Variants in PRPF8 observed in about 807,000 individuals in gnomAD.
The protein encoded by PRPF8 is pre-mRNA processing factor 8, also known as pre-mRNA-processing-splicing factor 8.
In PRPF8, 64 loss-of-function variants were observed where a neutral mutation model predicts 285.9. The observed-to-expected ratio is 0.22, with a 90% CI of 0.18 to 0.28. PRPF8 has a LOEUF of 0.28. PRPF8 is among the 10% of genes least tolerant of loss of function. The pLI is 1.00. For synonymous variants in PRPF8, 1,325 were observed against 1,118.2 expected (o/e 1.18, Z -3.69); for missense variants, 1,426 against 3,026.7 (o/e 0.47, Z 12.41).
In PRPF8 at chr17:1,656,500, C is replaced by T. The variant is rs149841154; in HGVS notation, c.5685G>A (p.Ala1895=). The change falls in exon 36 of 43, where the codon GCG becomes GCA. Residue 1895 remains alanine (A), a synonymous_variant. Coordinates refer to ENST00000304992, the MANE Select transcript of PRPF8 (RefSeq NM_006445.4). ...CCCCGAATTTTTCCACCTTGAGACACGCCTGGAAAGGGAGTTGGAGCTCCG... is the reference window on the plus strand; with the variant it reads ...CCCCGAATTTTTCCACCTTGAGACATGCCTGGAAAGGGAGTTGGAGCTCCG... The part of the protein sequence containing the change: ...KGSELQLPFQ[A]CLKVEKFGDL... The T allele has an allele frequency of 3.7e-5, 60 of 1,614,040 alleles. No individual in the cohort carries two copies. The highest frequency in any genetic ancestry group is 2.3e-4 in the African/African-American group (17 of 74,934).
intron 24 of PRPF8, among the ~76,000 whole-genome samples, chr17:1,670,441 G>C (rs1293593825): frequency 6.6e-6 from 1 of 152,122 alleles, no homozygotes; most frequent in African/African-American, 2.4e-5. Flanking sequence ...TATCAAATCT[G>C]TTCCCCTCTT....
At position 1,651,913 on chromosome 17, in the gene PRPF8, C is replaced by A. The variant is rs1911096283; in HGVS notation, c.6370-125G>T. The A allele has an allele frequency of 4.8e-6, 6 of 1,237,744 alleles. No homozygotes were observed. Among genetic ancestry groups the A allele is most frequent in the African/African-American group, 1.5e-5 (1 of 67,664 alleles). The allele number at this position is 1,237,744 out of a possible 1,614,324, so 76.7% of individuals were successfully genotyped here. ...AGAGTTTCTTAAAACGTGATCAGAACCCCCTGTATCAGAATCAGCTGGGGT... is the reference window on the plus strand; with the variant it reads ...AGAGTTTCTTAAAACGTGATCAGAAACCCCTGTATCAGAATCAGCTGGGGT... On this transcript the variant is annotated intron_variant, in intron 39 of 42. Coordinates refer to ENST00000304992, the MANE Select transcript of PRPF8 (RefSeq NM_006445.4). The surrounding 1 kb of genome is among the most constrained non-coding windows in gnomAD (Gnocchi z 5.1).
chr17:1,666,097 C>T lies in PRPF8; in HGVS notation c.3775-3944G>A, dbSNP rs150187786. 3.2e-4 allele frequency among the ~76,000 whole-genome samples: 48 copies of T among 150,370 alleles called. No individual in the cohort carries two copies. The East Asian group carries it at 8.6e-3, about 27-fold the overall frequency. ...AGGAGAATGGCGTGAACCCGGGAGA[C>T]GGAGCTTGCAGTGAGCAGAGATCGC... On this transcript the variant is annotated intron_variant, in intron 24 of 42. Coordinates refer to ENST00000304992, the MANE Select transcript of PRPF8 (RefSeq NM_006445.4).
At chr17:1,680,332 C>A (rs559078014) in intron 8 of PRPF8, 1 of 327,768 alleles carries the variant, frequency 3.1e-6, no homozygotes, top group Non-Finnish European at 5.7e-6. Flanking sequence ...TAAAAATATT[C>A]TCAAATTGCA....
intron 20 of PRPF8, 54 bp from the exon 21 acceptor site, chr17:1,674,734 C>G: frequency 6.5e-7 from 1 of 1,545,900 alleles, no homozygotes; most frequent in Non-Finnish European, 8.9e-7. Context: ...CCAGGATTCT[C>G]CAGAGTTAAC....
At chr17:1,669,514 G>T (rs1912191713) in intron 24 of PRPF8, among the ~76,000 whole-genome samples, 1 of 152,090 alleles carries the variant, frequency 6.6e-6, no homozygotes, top group African/African-American at 2.4e-5. Context: ...GCTCCCTCTA[G>T]GTGGCATCTG....
At position 1,680,964 on chromosome 17, in the gene PRPF8, C is replaced by A; in HGVS notation, c.957G>T (p.Leu319Phe). The change falls in exon 7 of 43, where the codon TTG becomes TTT. Residue 319 changes from leucine to phenylalanine, a missense_variant. By Grantham distance (22) the Leu-to-Phe change is conservative. This residue lies in a region of PRPF8 where 157 missense variants were observed against 159.6 expected (regional missense o/e 0.98). Transcript: ENST00000304992. ...RTEYKIAFPYLYNNLPHHVHL... is the reference protein window; with the variant it reads ...RTEYKIAFPYFYNNLPHHVHL... ...GGACATGGTGTGGAAGATTGTTGTACAAGTAAGGAAAAGCAATCTTGTACT... is the reference window on the plus strand; with the variant it reads ...GGACATGGTGTGGAAGATTGTTGTAAAAGTAAGGAAAAGCAATCTTGTACT... The A allele has an allele frequency of 6.2e-7, 1 of 1,614,000 alleles. No homozygotes were observed. The highest frequency in any genetic ancestry group is 2.2e-5 in the East Asian group (1 of 44,888).
At chr17:1,666,865 A>C (rs147201062) in intron 24 of PRPF8, among the ~76,000 whole-genome samples, 251 of 152,182 alleles carry the variant, frequency 1.6e-3, no homozygotes, top group African/African-American at 5.7e-3. Flanking sequence ...AGGATGAGAC[A>C]ACCAGGCAGA....
rs141456140 is a variant in PRPF8, at chr17:1,658,550, G to A, written c.5352C>T (p.Asn1784=). The part of the protein sequence containing the change: ...NQIIWFVDDT[N]VYRVTIHKTF... ...CCTTGTGAATAGTCACTCTGTAGAC[G>A]TTGGTGTCATCCACAAACCAGATAA... The change falls in exon 33 of 43, where the codon AAC becomes AAT. Residue 1784 remains asparagine (N), a synonymous_variant. Coordinates refer to ENST00000304992, the MANE Select transcript of PRPF8 (RefSeq NM_006445.4). The surrounding 1 kb of genome is among the most constrained non-coding windows in gnomAD (Gnocchi z 4.1). The A allele has an allele frequency of 1.7e-3, 2,706 of 1,613,276 alleles. 5 individuals carry two copies. The highest frequency in any genetic ancestry group is 2.1e-3 in the Non-Finnish European group (2,514 of 1,179,216).
At chr17:1,655,983 C>T (rs1426060367) in intron 36 of PRPF8, among the ~76,000 whole-genome samples, 1 of 144,740 alleles carries the variant, frequency 6.9e-6, no homozygotes, top group Non-Finnish European at 1.5e-5. Context: ...TGCAATGGTG[C>T]CATCTCGGCT....
chr17:1,652,709 C>A (rs1477327669), intron 39 of PRPF8: 4 of 143,792 alleles, frequency 2.8e-5, no homozygotes, highest in African/African-American at 5.7e-5. Context: ...CCATGCCTGG[C>A]TAGTTTTTTT....
In PRPF8 at chr17:1,676,900, C is replaced by A. The variant is rs1458727803; in HGVS notation, c.2181+76G>T. 6 of 1,557,554 alleles carry A rather than the reference C, an allele frequency of 3.9e-6. No homozygotes were observed. The Admixed American group carries it at 8.4e-5, about 22-fold the overall frequency. On this transcript the variant is annotated intron_variant, in intron 15 of 42. Transcript: ENST00000304992. This position sits in a 1 kb window ranked among gnomAD's most constrained non-coding sequence, Gnocchi z 6.3. ...AAAAGAGATTGGAGCCAGATAGCCCCCTAATGATTCCCGAAGTGGTAATCC... is the reference window on the plus strand; with the variant it reads ...AAAAGAGATTGGAGCCAGATAGCCCACTAATGATTCCCGAAGTGGTAATCC...
Position 1,656,632 on chromosome 17 carries a change from C to T in PRPF8, c.5619+16G>A, listed in dbSNP as rs143752933. The stretch of plus-strand genomic sequence containing the variant: ...TCTCAAGGTCTCTTTTCTCCTACCC[C>T]ACCCCACCCTCTTACCTCCAGTGGG... On this transcript the variant is annotated intron_variant, in intron 35 of 42. Transcript: ENST00000304992. 6.2e-7 allele frequency: 1 copy of T among 1,613,774 alleles called. No homozygotes were observed. Among genetic ancestry groups the T allele is most frequent in the Non-Finnish European group, 8.5e-7 (1 of 1,179,766 alleles).
At position 1,660,501 on chromosome 17, in the gene PRPF8, A is replaced by G. The variant is rs777164088; in HGVS notation, c.4716T>C (p.Ser1572=). 1.9e-6 allele frequency: 3 copies of G among 1,614,204 alleles called. No homozygotes were observed. The East Asian group carries it at 6.7e-5, about 36-fold the overall frequency. The change falls in exon 30 of 43, where the codon TCT becomes TCC. Residue 1572 remains serine, a synonymous_variant. Transcript: ENST00000304992. The stretch of plus-strand genomic sequence containing the variant: ...AGTGAGCTCGGAAGATCTGGATGAG[A>G]GAGATCTTCAGCGTGGGGATCTTGC... The part of the protein sequence containing the change: ...MHGKIPTLKI[S]LIQIFRAHLW...
intron 1 of PRPF8, 96 bp from the exon 2 acceptor site, chr17:1,684,678 C>A: frequency 8.7e-7 from 1 of 1,150,208 alleles, no homozygotes; most frequent in East Asian, 2.6e-5. Flanking sequence ...CCTGCAGTCC[C>A]GCCACACAGT....
At chr17:1,662,740 T>A (rs1238408406) in intron 24 of PRPF8, among the ~76,000 whole-genome samples, 1 of 141,702 alleles carries the variant, frequency 7.1e-6, no homozygotes, top group African/African-American at 2.7e-5. Flanking sequence ...CTACTAAAAA[T>A]ACAGAAATTG....
In PRPF8 at chr17:1,651,797, A is replaced by G; in HGVS notation, c.6370-9T>C. The G allele has an allele frequency of 6.2e-7, 1 of 1,614,060 alleles. No homozygotes were observed. The highest frequency in any genetic ancestry group is 8.5e-7 in the Non-Finnish European group (1 of 1,179,970). On this transcript the variant is annotated splice_polypyrimidine_tract_variant and intron_variant, in intron 39 of 42. Transcript: ENST00000304992. The surrounding 1 kb of genome is among the most constrained non-coding windows in gnomAD (Gnocchi z 5.1). Reference sequence around the variant, plus strand: ...TATAGGTATCCTGCAATCTGGAGACAAAGGGGTCAGGAACCAAAACTCTTC... The same window carrying G: ...TATAGGTATCCTGCAATCTGGAGACGAAGGGGTCAGGAACCAAAACTCTTC...
Position 1,661,233 on chromosome 17 carries a change from T to G in PRPF8, c.4338+38A>C, listed in dbSNP as rs1358110364. 4.3e-6 allele frequency: 7 copies of G among 1,614,030 alleles called. No homozygotes were observed. The highest frequency in any genetic ancestry group is 5.9e-6 in the Non-Finnish European group (7 of 1,179,994). On this transcript the variant is annotated intron_variant, in intron 27 of 42. Coordinates refer to ENST00000304992, the MANE Select transcript of PRPF8 (RefSeq NM_006445.4). The surrounding 1 kb of genome is among the most constrained non-coding windows in gnomAD (Gnocchi z 7.3). ...CCCAAGTTTCGGGGATAGCCATGGA[T>G]TTTCCTGACTCAGGGAAAATCTGCT...
At chr17:1,670,072 T>C (rs1473571340) in intron 24 of PRPF8, among the ~76,000 whole-genome samples, 7 of 152,184 alleles carry the variant, frequency 4.6e-5, no homozygotes, top group Admixed American at 4.6e-4. Flanking sequence ...ACTCATACTT[T>C]TTAAATCAAA....
Sources: allele counts gnomAD v4.1 joint callset (sites outside exome capture counted in the v4.1 genomes callset), GRCh38; gene constraint gnomAD v4.1.1; regional missense constraint gnomAD v4.1.1; non-coding constraint Gnocchi (gnomAD v3.1); transcripts MANE v1.5; gene names NCBI Gene and HGNC (gene_info 2026-07-23, HGNC 2026-07-21).